Variants in SPATA13 observed in about 807,000 individuals in gnomAD.
The protein encoded by SPATA13 is spermatogenesis associated 13.
In SPATA13, 50 loss-of-function variants were observed where a neutral mutation model predicts 104.0. The ratio of observed to expected loss-of-function variants is 0.48; its 90% CI spans 0.38 to 0.61. The LOEUF (loss-of-function observed/expected upper bound fraction) is 0.61, where lower values mean the gene tolerates loss of function less well. SPATA13 is among the 20% of genes least tolerant of loss of function. The probability of loss-of-function intolerance (pLI) is 0.00; values close to 1 mark genes in which losing one functional copy is unlikely to be tolerated. For synonymous variants in SPATA13, 606 were observed against 667.5 expected (o/e 0.91, Z 1.42); for missense variants, 1,524 against 1,690.6 (o/e 0.90, Z 1.73).
At chr13:24,129,244 G>A (rs1300202933) in intron 3 of SPATA13, among the ~76,000 whole-genome samples, 2 of 152,228 alleles carry the variant, frequency 1.3e-5, no homozygotes. Flanking sequence ...GGTCAGAGGA[G>A]CAGCCAACCA....
chr13:24,090,845 T>C (rs1879886219), intron 3 of SPATA13, among the ~76,000 whole-genome samples: 1 of 152,252 alleles, frequency 6.6e-6, no homozygotes, highest in Non-Finnish European at 1.5e-5. Flanking sequence ...ACTTTCCTGT[T>C]TCTTTTCATG....
At chr13:24,295,849 A>T (rs1370866721) in intron 10 of SPATA13, among the ~76,000 whole-genome samples, 6 of 152,158 alleles carry the variant, frequency 3.9e-5, no homozygotes, top group African/African-American at 1.4e-4. Context: ...CATTTAACAG[A>T]TGGGAAAACT....
chr13:24,076,936 C>T (rs148272687), intron 3 of SPATA13, among the ~76,000 whole-genome samples: 4 of 152,104 alleles, frequency 2.6e-5, no homozygotes, highest in African/African-American at 9.6e-5. Flanking sequence ...TCTTCAACCT[C>T]GCCTTATTCC....
chr13:24,074,794 A>G (rs1879275386), intron 3 of SPATA13, among the ~76,000 whole-genome samples: 1 of 152,242 alleles, frequency 6.6e-6, no homozygotes, highest in African/African-American at 2.4e-5. Context: ...TTAGCCAGCC[A>G]GAATAGGTTT....
intron 3 of SPATA13, among the ~76,000 whole-genome samples, chr13:24,061,480 A>G (rs1372466587): frequency 1.3e-5 from 2 of 152,214 alleles, no homozygotes; most frequent in East Asian, 3.8e-4. Flanking sequence ...ATGCCCATCC[A>G]TGGTAGACTG....
intron 4 of SPATA13, chr13:24,270,554 C>T: frequency 2.2e-6 from 1 of 463,586 alleles, no homozygotes; most frequent in South Asian, 3.5e-5. Context: ...CTCGGCAGCA[C>T]CTGATGGCTT....
intron 1 of SPATA13, among the ~76,000 whole-genome samples, chr13:24,173,508 CA>C (rs796290429): frequency 9.1e-5 from 13 of 142,268 alleles, no homozygotes; most frequent in Middle Eastern, 3.6e-3. Flanking sequence ...CCCCGTCCCC[CA>C]ACTTTTTTTT....
intron 2 of SPATA13, among the ~76,000 whole-genome samples, chr13:24,014,189 TTAACTCCAG>T (rs1876605996): frequency 6.6e-6 from 1 of 152,190 alleles, no homozygotes; most frequent in Non-Finnish European, 1.5e-5. Flanking sequence ...TCTTGGTAGC[TTAACTCCAG>T]TCTCCACATT....
intron 1 of SPATA13, among the ~76,000 whole-genome samples, chr13:24,187,587 G>A (rs891383803): frequency 9.9e-5 from 15 of 152,138 alleles, no homozygotes; most frequent in Admixed American, 9.2e-4. Context: ...CGTACATCTT[G>A]TCTGTTACTT....
Position 24,011,120 on chromosome 13 carries a change from C to T in SPATA13, c.-146-6547C>T, listed in dbSNP as rs924473974. 1.3e-5 allele frequency among the ~76,000 whole-genome samples: 2 copies of T among 152,144 alleles called. No individual in the cohort carries two copies. Among genetic ancestry groups the T allele is most frequent in the African/African-American group, 2.4e-5 (1 of 41,442 alleles). On this transcript the variant is annotated intron_variant, in intron 2 of 14. Coordinates refer to the SPATA13 transcript ENST00000424834. This position sits in a 1 kb window ranked among gnomAD's most constrained non-coding sequence, Gnocchi z 4.3. ...TTCTCCCCAGGTCCTGACCACCTGG[C>T]CGTGGGCCCCTCCCTGTAGAGCCAC... is the stretch of plus-strand genomic sequence containing the variant.
Position 24,286,434 on chromosome 13 carries a change from G to A in SPATA13, c.2481+41G>A. On this transcript the variant is annotated intron_variant, in intron 6 of 12. Coordinates refer to ENST00000382108, the MANE Select transcript of SPATA13 (RefSeq NM_001166271.3). The surrounding 1 kb of genome is among the most constrained non-coding windows in gnomAD (Gnocchi z 4.9). Reference sequence around the variant, plus strand: ...TTGCAGCTTTTCCAAAGTACCTGGGGGAGCTGCAGGATCCTTTCAGGTCAG... The same window carrying A: ...TTGCAGCTTTTCCAAAGTACCTGGGAGAGCTGCAGGATCCTTTCAGGTCAG... The A allele has an allele frequency of 1.3e-6, 2 of 1,583,076 alleles. No individual in the cohort carries two copies. Among genetic ancestry groups the A allele is most frequent in the Non-Finnish European group, 1.7e-6 (2 of 1,163,672 alleles).
intron 1 of SPATA13, among the ~76,000 whole-genome samples, chr13:24,178,596 A>T (rs544576926): frequency 6.6e-6 from 1 of 152,320 alleles, no homozygotes; most frequent in African/African-American, 2.4e-5. Context: ...GTATAAGAAC[A>T]AATAGAGGAT....
chr13:24,135,406 G>A (rs1881527384), intron 3 of SPATA13, among the ~76,000 whole-genome samples: 1 of 151,992 alleles, frequency 6.6e-6, no homozygotes, highest in Admixed American at 6.6e-5. Context: ...CTCTTTAAGA[G>A]TATTTTTAGG....
chr13:24,290,780 G>A lies in SPATA13; in HGVS notation c.2976G>A (p.Met992Ile), dbSNP rs1439323626. Residue 992 changes from methionine to isoleucine, a missense_variant, in exon 9 of 13, where the codon ATG becomes ATA. This residue lies in a region of SPATA13 where 435 missense variants were observed against 554.8 expected (regional missense o/e 0.78). Coordinates refer to ENST00000382108, the MANE Select transcript of SPATA13 (RefSeq NM_001166271.3). ...FFEACRLLQQ[M>I]IDIAIDGFLL... ...AAGCCTGCCGCCTGCTGCAGCAGAT[G>A]ATTGACATCGCCATCGACGGGTTCC... 1 of 1,614,088 alleles carries A rather than the reference G, an allele frequency of 6.2e-7. No homozygotes were observed. The highest frequency in any genetic ancestry group is 8.5e-7 in the Non-Finnish European group (1 of 1,180,052).
Position 24,249,027 on chromosome 13 carries a change from G to A in SPATA13, c.1654-450G>A, listed in dbSNP as rs191635090. Among the ~76,000 whole-genome samples, 329 of 152,174 alleles carry A rather than the reference G, an allele frequency of 2.2e-3. 1 individual carries two copies. Among genetic ancestry groups the A allele is most frequent in the East Asian group, 4.6e-3 (24 of 5,168 alleles). ...TGGGACTACAGACACGCGCCACCGC[G>A]CCCCGCTAATTTTTATATTTTTGGT... On this transcript the variant is annotated intron_variant, in intron 2 of 12. Transcript: ENST00000382108.
intron 8 of SPATA13, among the ~76,000 whole-genome samples, chr13:24,289,665 G>A (rs1438410135): frequency 1.3e-5 from 2 of 152,176 alleles, no homozygotes; most frequent in Admixed American, 1.3e-4. Flanking sequence ...ATCTGTGAAG[G>A]CAGACCCGGG....
chr13:24,095,590 T>C (rs1880048801), intron 3 of SPATA13, among the ~76,000 whole-genome samples: 1 of 152,162 alleles, frequency 6.6e-6, no homozygotes, highest in African/African-American at 2.4e-5. Context: ...TTTGCCACAG[T>C]TAAAAATAAA....
chr13:24,019,331 G>A (rs980570318), intron 3 of SPATA13, among the ~76,000 whole-genome samples: 2 of 151,828 alleles, frequency 1.3e-5, no homozygotes, highest in African/African-American at 4.8e-5. Flanking sequence ...CTCGTGATCC[G>A]CCCGCCTCGG....
chr13:24,258,258 C>T (rs148646927), intron 4 of SPATA13, among the ~76,000 whole-genome samples: 2,059 of 146,120 alleles, frequency 0.014, 48 homozygotes, highest in African/African-American at 0.048. Context: ...ATAAAAAGAA[C>T]TCTGGATTCT....
Sources: allele counts gnomAD v4.1 joint callset (sites outside exome capture counted in the v4.1 genomes callset), GRCh38; gene constraint gnomAD v4.1.1; regional missense constraint gnomAD v4.1.1; non-coding constraint Gnocchi (gnomAD v3.1); transcripts MANE v1.5; gene names NCBI Gene and HGNC (gene_info 2026-07-23, HGNC 2026-07-21).